Variants in UNC5D observed in about 807,000 individuals in gnomAD.
The protein encoded by UNC5D is netrin receptor UNC5D.
A neutral mutation model predicts 105.4 loss-of-function variants in UNC5D; 39 were observed. That is an observed-to-expected ratio of 0.37 (90% CI 0.29 to 0.48). UNC5D has a LOEUF of 0.48. Ranked by LOEUF, UNC5D falls within the 20% of genes least tolerant of loss-of-function variation. UNC5D has a pLI of 0.98. For synonymous variants in UNC5D, 452 were observed against 450.4 expected (o/e 1.00, Z -0.04); for missense variants, 991 against 1,202.4 (o/e 0.82, Z 2.60).
intron 4 of UNC5D, among the ~76,000 whole-genome samples, chr8:35,617,062 G>A (rs556799262): frequency 6.6e-6 from 1 of 152,254 alleles, no homozygotes; most frequent in African/African-American, 2.4e-5. Context: ...GGATTTTAGT[G>A]TTTCCATGAA....
In UNC5D at chr8:35,748,640, G is replaced by C; in HGVS notation, c.1880G>C (p.Ser627Thr). Residue 627 changes from serine (S) to threonine (T), a missense_variant, in exon 12 of 17, where the codon AGT becomes ACT. Ser to Thr is a moderately conservative substitution (Grantham distance 58). Transcript: ENST00000404895. ...ACCATCCCGCACTGTGCAGATGTCA[G>C]TTCTGAGCATTGGAATATCCATTTA... Reference protein sequence around the residue: ...ALTIPHCADVSSEHWNIHLKK... With the variant: ...ALTIPHCADVTSEHWNIHLKK... 6.2e-7 allele frequency: 1 copy of C among 1,614,044 alleles called. No homozygotes were observed. The highest frequency in any genetic ancestry group is 8.5e-7 in the Non-Finnish European group (1 of 1,179,916).
At chr8:35,786,530 G>C (rs1802750041) in intron 16 of UNC5D, among the ~76,000 whole-genome samples, 1 of 152,068 alleles carries the variant, frequency 6.6e-6, no homozygotes, top group Admixed American at 6.6e-5. Context: ...ATATTGTGTT[G>C]AGACAATGAT....
intron 1 of UNC5D, among the ~76,000 whole-genome samples, chr8:35,352,067 A>G (rs1459707157): frequency 6.6e-6 from 1 of 152,138 alleles, no homozygotes; most frequent in Non-Finnish European, 1.5e-5. Flanking sequence ...TTACATAAGG[A>G]CACATTTAAG....
At chr8:35,602,797 G>C (rs1448631382) in intron 4 of UNC5D, among the ~76,000 whole-genome samples, 1 of 151,914 alleles carries the variant, frequency 6.6e-6, no homozygotes, top group African/African-American at 2.4e-5. Flanking sequence ...ATGTATACAT[G>C]TGACATGCTG....
intron 14 of UNC5D, among the ~76,000 whole-genome samples, chr8:35,765,215 T>G (rs1157398403): frequency 6.6e-6 from 1 of 152,164 alleles, no homozygotes; most frequent in Non-Finnish European, 1.5e-5. Context: ...GTGCCTCTTG[T>G]GGTCAGAATG....
chr8:35,470,097 A>C (rs1342789183), intron 1 of UNC5D, among the ~76,000 whole-genome samples: 1 of 152,186 alleles, frequency 6.6e-6, no homozygotes. Flanking sequence ...AGAATTATGA[A>C]CAAACATTCA....
At chr8:35,347,893 C>T (rs964696440) in intron 1 of UNC5D, among the ~76,000 whole-genome samples, 2 of 151,936 alleles carry the variant, frequency 1.3e-5, no homozygotes, top group Non-Finnish European at 2.9e-5. Flanking sequence ...TTACAAAACA[C>T]GAATGAAGAT....
chr8:35,335,859 G>A (rs1810992515), intron 1 of UNC5D, among the ~76,000 whole-genome samples: 1 of 147,706 alleles, frequency 6.8e-6, no homozygotes, highest in Non-Finnish European at 1.5e-5. Context: ...CGCCTCCCGG[G>A]TTCATGCCAT....
At chr8:35,513,018 CT>C (rs1306813731) in intron 1 of UNC5D, among the ~76,000 whole-genome samples, 2 of 150,610 alleles carry the variant, frequency 1.3e-5, no homozygotes, top group African/African-American at 4.9e-5. Context: ...TTCTCTGTAG[CT>C]TCCTACCTGC....
At chr8:35,479,684 A>C (rs2129955154) in intron 1 of UNC5D, among the ~76,000 whole-genome samples, 1 of 152,314 alleles carries the variant, frequency 6.6e-6, no homozygotes, top group Non-Finnish European at 1.5e-5. Context: ...GAACTAATAT[A>C]GGAATAGAAA....
At chr8:35,238,063 G>A (rs961791596) in intron 1 of UNC5D, among the ~76,000 whole-genome samples, 6 of 152,142 alleles carry the variant, frequency 3.9e-5, no homozygotes, top group African/African-American at 1.4e-4. Context: ...CCAATTAATA[G>A]TTTTTGTTCT....
intron 1 of UNC5D, among the ~76,000 whole-genome samples, chr8:35,477,262 C>T (rs1329582484): frequency 1.3e-5 from 2 of 152,044 alleles, no homozygotes; most frequent in Non-Finnish European, 2.9e-5. Context: ...TTAAGAATTT[C>T]CTTTTCATTT....
intron 1 of UNC5D, among the ~76,000 whole-genome samples, chr8:35,340,787 G>T (rs1001278502): frequency 6.6e-6 from 1 of 152,034 alleles, no homozygotes; most frequent in Admixed American, 6.6e-5. Flanking sequence ...GGATTTGTTG[G>T]TTTATTTCCA....
At chr8:35,465,027 T>A (rs1374425132) in intron 1 of UNC5D, among the ~76,000 whole-genome samples, 2 of 152,204 alleles carry the variant, frequency 1.3e-5, no homozygotes, top group Non-Finnish European at 2.9e-5. Flanking sequence ...GTTTCCCACC[T>A]TGGGTAGATA....
At chr8:35,556,855 C>T (rs1816587591) in intron 2 of UNC5D, among the ~76,000 whole-genome samples, 1 of 152,212 alleles carries the variant, frequency 6.6e-6, no homozygotes, top group Non-Finnish European at 1.5e-5. Context: ...TGTGGGAACA[C>T]AGCCCTGCAA....
At position 35,686,674 on chromosome 8, in the gene UNC5D, A is replaced by G; in HGVS notation, c.1049A>G (p.Glu350Gly). Reference sequence around the variant, plus strand: ...AAATTCTGTGAAGGTCTAAGCCAGGAATCTGAAAACTGCACAGATGGTCTT... The same window carrying G: ...AAATTCTGTGAAGGTCTAAGCCAGGGATCTGAAAACTGCACAGATGGTCTT... The part of the protein sequence containing the change: ...GGKFCEGLSQ[E>G]SENCTDGLCI... The change falls in exon 7 of 17, where the codon GAA becomes GGA. Residue 350 changes from glutamate (E) to glycine (G), a missense_variant. Glu to Gly is a moderately conservative substitution (Grantham distance 98). This residue lies in a region of UNC5D where 944 missense variants were observed against 1,131.6 expected (regional missense o/e 0.83). Coordinates refer to ENST00000404895, the MANE Select transcript of UNC5D (RefSeq NM_080872.4). 1.9e-6 allele frequency: 3 copies of G among 1,604,116 alleles called. No individual in the cohort carries two copies. Among genetic ancestry groups the G allele is most frequent in the South Asian group, 1.1e-5 (1 of 89,246 alleles).
At chr8:35,251,758 T>A (rs1474162305) in intron 1 of UNC5D, among the ~76,000 whole-genome samples, 1 of 152,222 alleles carries the variant, frequency 6.6e-6, no homozygotes, top group Non-Finnish European at 1.5e-5. Flanking sequence ...AGGTATTACA[T>A]CTCAGGATGT....
intron 1 of UNC5D, among the ~76,000 whole-genome samples, chr8:35,532,404 G>T (rs1814457602): frequency 1.5e-5 from 2 of 134,200 alleles, no homozygotes; most frequent in Non-Finnish European, 3.2e-5. Context: ...TAGGGTTTCT[G>T]CCGAGAGATC....
chr8:35,292,232 A>T (rs1477524070), intron 1 of UNC5D, among the ~76,000 whole-genome samples: 2 of 152,142 alleles, frequency 1.3e-5, no homozygotes, highest in African/African-American at 4.8e-5. Flanking sequence ...CCATTTCTGA[A>T]GAAGGAAGTA....
Sources: gnomAD v4.1 joint callset for allele counts (sites outside exome capture counted in the v4.1 genomes callset) on GRCh38, gnomAD v4.1.1 for gene constraint, gnomAD v4.1.1 regional missense constraint, MANE v1.5 for transcripts, NCBI Gene and HGNC (gene_info 2026-07-23, HGNC 2026-07-21) for gene names.